The following TRIM24 variants were observed in gnomAD, a reference collection of about 807,000 sequenced individuals.
The protein encoded by TRIM24 is tripartite motif containing 24.
In TRIM24, 29 loss-of-function variants were observed where a neutral mutation model predicts 123.9. The ratio of observed to expected loss-of-function variants is 0.23; its 90% confidence interval spans 0.17 to 0.32. TRIM24 has a LOEUF of 0.32. TRIM24 is among the 10% of genes least tolerant of loss of function. TRIM24 has a pLI of 1.00. For synonymous variants in TRIM24, 456 were observed against 461.1 expected (o/e 0.99, Z 0.14); for missense variants, 932 against 1,295.3 (o/e 0.72, Z 4.31).
At chr7:138,479,401 C>A (rs930562141) in intron 1 of TRIM24, among the ~76,000 whole-genome samples, 1 of 151,434 alleles carries the variant, frequency 6.6e-6, no homozygotes, top group South Asian at 2.1e-4. Flanking sequence ...TTGACAGGGT[C>A]TTGCTCTGTC....
intron 1 of TRIM24, among the ~76,000 whole-genome samples, chr7:138,466,043 G>A (rs752767400): frequency 2.0e-5 from 3 of 152,086 alleles, no homozygotes; most frequent in African/African-American, 7.2e-5. Context: ...TCACTCTGTC[G>A]CCCAGGCTGG....
intron 1 of TRIM24, among the ~76,000 whole-genome samples, chr7:138,488,024 T>C (rs1795687365): frequency 6.6e-6 from 1 of 152,200 alleles, no homozygotes; most frequent in African/African-American, 2.4e-5. Context: ...TTTCAGAGAC[T>C]GTTATTGGTC....
In TRIM24 at chr7:138,460,394, C is replaced by T; in HGVS notation, c.-155C>T. 1 of 788,810 alleles carries T rather than the reference C, an allele frequency of 1.3e-6. No individual in the cohort carries two copies. The highest frequency in any genetic ancestry group is 5.9e-5 in the South Asian group (1 of 16,948). The allele number at this position is 788,810 out of a possible 1,614,324, so 48.9% of individuals were successfully genotyped here. A position where few individuals can be genotyped will look rare whatever the true frequency, so the allele number is the denominator to read the frequency against. On this transcript the variant is annotated 5_prime_UTR_variant, in exon 1 of 19. Transcript: ENST00000343526. ...GGCGGATCCCGTGGGCCTGAGGAGG[C>T]TTCCCCCGCCCGGTTTGCTTTCCCT...
At chr7:138,547,000 A>G (rs1797114848) in intron 7 of TRIM24, among the ~76,000 whole-genome samples, 1 of 152,234 alleles carries the variant, frequency 6.6e-6, no homozygotes, top group African/African-American at 2.4e-5. Context: ...TCATTGCAAC[A>G]TTATTCACAA....
intron 2 of TRIM24, among the ~76,000 whole-genome samples, chr7:138,508,780 C>T (rs1264704525): frequency 2.6e-5 from 4 of 151,046 alleles, no homozygotes; most frequent in Non-Finnish European, 5.9e-5. Flanking sequence ...TCATTGCTGT[C>T]TCCCTTGCTG....
At chr7:138,581,291 T>C (rs939996746) in intron 16 of TRIM24, among the ~76,000 whole-genome samples, 7 of 152,180 alleles carry the variant, frequency 4.6e-5, no homozygotes, top group African/African-American at 1.7e-4. Context: ...AGCAGGGAAG[T>C]ATATGAATAG....
At chr7:138,580,890 A>G (rs990227409) in intron 16 of TRIM24, among the ~76,000 whole-genome samples, 196 bp downstream of exon 16, 8 of 152,142 alleles carry the variant, frequency 5.3e-5, no homozygotes, top group African/African-American at 2.4e-5. Flanking sequence ...GAATTAATGC[A>G]TGTATTTTAT....
At chr7:138,532,325 C>T (rs1165697488) in intron 6 of TRIM24, among the ~76,000 whole-genome samples, 2 of 152,202 alleles carry the variant, frequency 1.3e-5, no homozygotes. Flanking sequence ...CCTAGGTTTT[C>T]TTCTAGGGTT....
chr7:138,577,328 A>G, intron 13 of TRIM24, 92 bp from the exon 14 acceptor site: 2 of 1,018,386 alleles, frequency 2.0e-6, no homozygotes, highest in Non-Finnish European at 2.8e-6. Context: ...TGTTGTGAAG[A>G]TACAGTATTT....
At chr7:138,465,045 C>A (rs1023106399) in intron 1 of TRIM24, among the ~76,000 whole-genome samples, 1 of 152,028 alleles carries the variant, frequency 6.6e-6, no homozygotes. Flanking sequence ...ATTTTTCTTA[C>A]AAAAGTAAAC....
chr7:138,528,359 A>T (rs1796656247), intron 5 of TRIM24, among the ~76,000 whole-genome samples: 1 of 152,168 alleles, frequency 6.6e-6, no homozygotes, highest in African/African-American at 2.4e-5. Context: ...GAGTGCTGGG[A>T]GAGTCTTCAG....
rs768415063 is a variant in TRIM24 at position 138,460,702 on chromosome 7, C to T, written c.154C>T (p.Leu52=). ...CGGCGGCGAGGCGGCCCGGCTCAACCTGTTGGACACTTGCGCCGTGTGCCA... is the reference window on the plus strand; with the variant it reads ...CGGCGGCGAGGCGGCCCGGCTCAACTTGTTGGACACTTGCGCCGTGTGCCA... ...ERGGEAARLN[L]LDTCAVCHQN... Residue 52 remains leucine, a synonymous_variant, in exon 1 of 19, where the codon CTG becomes TTG. Coordinates refer to ENST00000343526, the MANE Select transcript of TRIM24 (RefSeq NM_015905.3). The T allele has an allele frequency of 3.8e-6, 6 of 1,560,950 alleles. 1 individual carries two copies. The highest frequency in any genetic ancestry group is 2.6e-5 in the East Asian group (1 of 38,090).
At chr7:138,579,161 ATTT>A in intron 14 of TRIM24, 40 bp from the exon 15 acceptor site, 1 of 1,497,296 alleles carries the variant, frequency 6.7e-7, no homozygotes, top group Non-Finnish European at 9.0e-7. Context: ...TAGTGATAAA[ATTT>A]TTTTTAAAGC....
At chr7:138,567,343 T>G in intron 9 of TRIM24, 138 bp from the exon 10 acceptor site, 2 of 596,554 alleles carry the variant, frequency 3.4e-6, no homozygotes, top group Non-Finnish European at 5.1e-6. Flanking sequence ...CCACCCCTCA[T>G]TCCCTTATGT....
intron 1 of TRIM24, among the ~76,000 whole-genome samples, chr7:138,484,810 AG>A (rs1391551541): frequency 6.6e-6 from 1 of 152,200 alleles, no homozygotes; most frequent in African/African-American, 2.4e-5. Flanking sequence ...GGTAGCAGTC[AG>A]GGACTGGGCC....
intron 13 of TRIM24, among the ~76,000 whole-genome samples, chr7:138,576,750 A>G (rs1228410744): frequency 6.6e-6 from 1 of 152,186 alleles, no homozygotes; most frequent in Non-Finnish European, 1.5e-5. Context: ...TAGAAACACA[A>G]ATTTAGAGAA....
At chr7:138,558,680 A>G (rs1338397639) in intron 9 of TRIM24, among the ~76,000 whole-genome samples, 2 of 152,252 alleles carry the variant, frequency 1.3e-5, no homozygotes, top group East Asian at 3.8e-4. Flanking sequence ...TCTTTATAAT[A>G]TACAGACTGA....
intron 1 of TRIM24, among the ~76,000 whole-genome samples, chr7:138,502,596 G>A (rs1249040908): frequency 6.6e-6 from 1 of 152,150 alleles, no homozygotes; most frequent in Non-Finnish European, 1.5e-5. Flanking sequence ...CGGGCCAGTC[G>A]TAGCACCCAG....
Position 138,519,331 on chromosome 7 carries a change from T to C in TRIM24, c.764+10T>C. 5 of 1,594,742 alleles carry C rather than the reference T, an allele frequency of 3.1e-6. No homozygotes were observed. The highest frequency in any genetic ancestry group is 4.3e-6 in the Non-Finnish European group (5 of 1,172,034). On this transcript the variant is annotated intron_variant, in intron 4 of 18. Coordinates refer to ENST00000343526, the MANE Select transcript of TRIM24 (RefSeq NM_015905.3). ...AACATAAAGAGCATAGGTACCAGCA[T>C]CTTTGGTTATATATATAGATTCATA...
Sources: allele counts gnomAD v4.1 joint callset (sites outside exome capture counted in the v4.1 genomes callset), GRCh38; gene constraint gnomAD v4.1.1; transcripts MANE v1.5; gene names NCBI Gene and HGNC (gene_info 2026-07-23, HGNC 2026-07-21).